CHODL: variants seen among roughly 807,000 people sequenced by gnomAD.
CHODL encodes transmembrane protein MT75.
In CHODL, 29 loss-of-function variants were observed where a neutral mutation model predicts 34.5. The observed-to-expected ratio is 0.84, with a 90% CI of 0.63 to 1.15. The LOEUF (loss-of-function observed/expected upper bound fraction) is 1.15. CHODL is among the 50% of genes most tolerant of loss of function. The pLI, the probability that CHODL is intolerant of heterozygous loss-of-function variation, is 0.00. For missense variants in CHODL, 332 were observed against 332.5 expected, an observed-to-expected ratio of 1.00 and a Z score of 0.01; for synonymous variants, 125 against 116.1, an observed-to-expected ratio of 1.08 and a Z score of -0.49.
intron 1 of CHODL, among the ~76,000 whole-genome samples, chr21:17,939,665 C>G (rs1368216067): frequency 6.6e-6 from 1 of 152,170 alleles, no homozygotes; most frequent in Non-Finnish European, 1.5e-5. Flanking sequence ...CCTCTTCTCT[C>G]TTACCTCTTT....
At chr21:18,265,323 G>T in intron 5 of CHODL, among the ~76,000 whole-genome samples, 1 of 139,042 alleles carries the variant, frequency 7.2e-6, no homozygotes, top group African/African-American at 2.9e-5. Context: ...ATATATATAT[G>T]ATGGAATACT....
At chr21:18,225,555 A>G (rs904159547) in intron 2 of CHODL, among the ~76,000 whole-genome samples, 1 of 152,166 alleles carries the variant, frequency 6.6e-6, no homozygotes, top group Non-Finnish European at 1.5e-5. Context: ...AGAAAAATCT[A>G]TTATGTAGTT....
At chr21:18,110,157 A>G (rs1285255157) in intron 2 of CHODL, among the ~76,000 whole-genome samples, 2 of 152,190 alleles carry the variant, frequency 1.3e-5, no homozygotes, top group African/African-American at 4.8e-5. Flanking sequence ...AAACATATTT[A>G]CAACAACAAG....
chr21:18,257,564 G>T (rs985194819), intron 3 of CHODL, among the ~76,000 whole-genome samples: 1 of 152,104 alleles, frequency 6.6e-6, no homozygotes, highest in Non-Finnish European at 1.5e-5. Context: ...TGGATCATTT[G>T]CTTATCATTT....
Position 17,957,973 on chromosome 21 carries a change from A to G in CHODL, c.-145+40573A>G, listed in dbSNP as rs138648666. Among the ~76,000 whole-genome samples, 1,260 of 151,990 alleles carry G rather than the reference A, an allele frequency of 8.3e-3. 22 individuals are homozygous for G. The highest frequency in any genetic ancestry group is 0.029 in the African/African-American group (1,191 of 41,510). On this transcript the variant is annotated intron_variant, in intron 1 of 6. Transcript: ENST00000400127. Reference sequence around the variant, plus strand: ...TCTTCAGAGGGAAATGTCTTCATCAATTAGTACAGATTGTTATTGATGTTT... The same window carrying G: ...TCTTCAGAGGGAAATGTCTTCATCAGTTAGTACAGATTGTTATTGATGTTT...
At chr21:18,021,550 G>A (rs1221152986) in intron 1 of CHODL, among the ~76,000 whole-genome samples, 2 of 152,164 alleles carry the variant, frequency 1.3e-5, no homozygotes, top group African/African-American at 2.4e-5. Context: ...TGGATTGTAT[G>A]TTAATAAATC....
chr21:18,245,112 G>T lies in CHODL; in HGVS notation c.-112G>T. 1 of 922,504 alleles carries T rather than the reference G, an allele frequency of 1.1e-6. No homozygotes were observed. The highest frequency in any genetic ancestry group is 3.3e-5 in the East Asian group (1 of 30,222). The allele number at this position is 922,504 out of a possible 1,614,324, so 57.1% of individuals were successfully genotyped here. On this transcript the variant is annotated 5_prime_UTR_variant, in exon 1 of 6. The change creates a premature stop within an existing upstream ORF in the 5' untranslated region. Coordinates refer to ENST00000299295, the MANE Select transcript of CHODL (RefSeq NM_024944.3). ...TCGGGCAGCTGGGCTCGGGCGGCGG[G>T]AGTAGGGCCCGGCAGGGAGGCAGGG... is the stretch of plus-strand genomic sequence containing the variant.
chr21:17,995,393 A>G (rs2063839508), intron 1 of CHODL, among the ~76,000 whole-genome samples: 1 of 152,148 alleles, frequency 6.6e-6, no homozygotes, highest in African/African-American at 2.4e-5. Flanking sequence ...ATTTTCCCCA[A>G]AATGGGGAGT....
At chr21:18,004,474 G>C (rs2063941353) in intron 1 of CHODL, among the ~76,000 whole-genome samples, 1 of 152,190 alleles carries the variant, frequency 6.6e-6, no homozygotes, top group South Asian at 2.1e-4. Flanking sequence ...TGAATATTTT[G>C]CTTGTTGACA....
intron 2 of CHODL, among the ~76,000 whole-genome samples, chr21:18,057,056 G>A (rs539093967): frequency 1.3e-5 from 2 of 152,146 alleles, no homozygotes; most frequent in African/African-American, 4.8e-5. Context: ...CTTACACTGA[G>A]GAACTTCCAT....
chr21:18,043,998 A>G (rs1270481856), intron 2 of CHODL, among the ~76,000 whole-genome samples: 1 of 151,978 alleles, frequency 6.6e-6, no homozygotes. Context: ...TCCCCGCCAC[A>G]ACACATGGGG....
In CHODL at chr21:18,266,065, T is replaced by A. The variant is rs1317941682; in HGVS notation, c.*27T>A. 7 of 1,613,720 alleles carry A rather than the reference T, an allele frequency of 4.3e-6. No individual in the cohort carries two copies. The South Asian group carries it at 7.7e-5, about 18-fold the overall frequency. Reference sequence around the variant, plus strand: ...AACTCATTGACTTGGTTCCAGAATTTTGTAATTCTGGATCTGTATAAGGAA... The same window carrying A: ...AACTCATTGACTTGGTTCCAGAATTATGTAATTCTGGATCTGTATAAGGAA... On this transcript the variant is annotated 3_prime_UTR_variant, in exon 6 of 6. Coordinates refer to ENST00000299295, the MANE Select transcript of CHODL (RefSeq NM_024944.3).
chr21:18,172,887 A>G (rs1241561930), intron 2 of CHODL, among the ~76,000 whole-genome samples: 1 of 152,164 alleles, frequency 6.6e-6, no homozygotes, highest in African/African-American at 2.4e-5. Context: ...TCAGGGTGTC[A>G]TCTTGGGGTA....
intron 2 of CHODL, among the ~76,000 whole-genome samples, chr21:18,185,591 C>T (rs2073431437): frequency 6.6e-6 from 1 of 152,164 alleles, no homozygotes; most frequent in South Asian, 2.1e-4. Flanking sequence ...TTGTGTGAGT[C>T]AGGCTCCTTC....
At chr21:18,043,088 A>C (rs2064396201) in intron 2 of CHODL, among the ~76,000 whole-genome samples, 1 of 152,020 alleles carries the variant, frequency 6.6e-6, no homozygotes, top group South Asian at 2.1e-4. Flanking sequence ...GACACAGAGA[A>C]GGGAAATTGG....
chr21:17,935,758 T>G (rs1340352118), intron 1 of CHODL, among the ~76,000 whole-genome samples: 1 of 152,046 alleles, frequency 6.6e-6, no homozygotes, highest in Admixed American at 6.6e-5. Context: ...GGAGAGAGAT[T>G]TGGAATATAT....
At chr21:17,988,400 T>TA (rs1387773843) in intron 1 of CHODL, among the ~76,000 whole-genome samples, 159 of 108,500 alleles carry the variant, frequency 1.5e-3, no homozygotes, top group African/African-American at 3.4e-3. Flanking sequence ...TTTTCCTTTT[T>TA]TTTTATTATT....
chr21:18,239,987 G>C (rs2074066279), upstream of CHODL, among the ~76,000 whole-genome samples: 1 of 151,960 alleles, frequency 6.6e-6, no homozygotes, highest in Non-Finnish European at 1.5e-5. Flanking sequence ...AAGATGTTAA[G>C]CTTTTTTTTC....
At chr21:18,057,341 T>C (rs755371290) in intron 2 of CHODL, among the ~76,000 whole-genome samples, 7 of 152,078 alleles carry the variant, frequency 4.6e-5, no homozygotes, top group Admixed American at 1.3e-4. Flanking sequence ...TTTTTCTATA[T>C]TTTATTTTTT....
Sources: gnomAD v4.1 joint callset for allele counts (sites outside exome capture counted in the v4.1 genomes callset) on GRCh38, gnomAD v4.1.1 for gene constraint, MANE v1.5 for transcripts, NCBI Gene and HGNC (gene_info 2026-07-23, HGNC 2026-07-21) for gene names.